UEVLD: variants seen among roughly 807,000 people sequenced by gnomAD.
The protein encoded by UEVLD is UEV and lactate/malate dehyrogenase domains, also known as ubiquitin-conjugating enzyme E2 variant 3.
In UEVLD, 47 loss-of-function variants were observed where a neutral mutation model predicts 58.6. That is an observed-to-expected ratio of 0.80 (90% CI 0.63 to 1.02). The LOEUF (loss-of-function observed/expected upper bound fraction) is 1.02, where lower values mean the gene tolerates loss of function less well. Among genes scored for constraint, UEVLD ranks in the 50% least tolerant of loss-of-function variants. The pLI is 0.00. For synonymous variants in UEVLD, 197 were observed against 195.3 expected (o/e 1.01, Z -0.07); for missense variants, 510 against 550.6 (o/e 0.93, Z 0.74).
chr11:18,539,980 C>T (rs1461570209), intron 9 of UEVLD, among the ~76,000 whole-genome samples: 1 of 152,212 alleles, frequency 6.6e-6, no homozygotes, highest in African/African-American at 2.4e-5. Flanking sequence ...TGTTGCTTTA[C>T]TTCAAAGAGT....
At chr11:18,582,240 A>G (rs773343764) in intron 1 of UEVLD, among the ~76,000 whole-genome samples, 25 of 152,298 alleles carry the variant, frequency 1.6e-4, no homozygotes, top group Non-Finnish European at 3.5e-4. Context: ...CTGCTACACA[A>G]GTTTCTCAAA....
intron 8 of UEVLD, among the ~76,000 whole-genome samples, chr11:18,546,081 A>T (rs1190697895): frequency 6.6e-6 from 1 of 152,226 alleles, no homozygotes; most frequent in Non-Finnish European, 1.5e-5. Flanking sequence ...CATTGGGAAC[A>T]TTTAAAAAAA....
At chr11:18,567,696 A>G (rs1852367232) in intron 4 of UEVLD, among the ~76,000 whole-genome samples, 1 of 152,246 alleles carries the variant, frequency 6.6e-6, no homozygotes, top group Admixed American at 6.5e-5. Flanking sequence ...TCTCAGAGAA[A>G]TTGCAAACCC....
intron 4 of UEVLD, among the ~76,000 whole-genome samples, chr11:18,567,008 T>C (rs1852332924): frequency 1.3e-5 from 2 of 152,232 alleles, no homozygotes; most frequent in African/African-American, 4.8e-5. Flanking sequence ...AATGTTAACA[T>C]TTGATCACAT....
In UEVLD at chr11:18,530,448, T is replaced by C. The variant is rs760716309; in HGVS notation, c.*1872A>G. The C allele has an allele frequency of 1.3e-5, 2 of 152,216 alleles. No homozygotes were observed. Among genetic ancestry groups the C allele is most frequent in the African/African-American group, 4.8e-5 (2 of 41,454 alleles). The allele number at this position is 152,216 out of a possible 1,614,324, so 9.4% of individuals were successfully genotyped here. ...AGTTCATCATTATAAGCATTCCTTA[T>C]TACACTAAAACAGCATTAGTTTGCC... On this transcript the variant is annotated 3_prime_UTR_variant, in exon 12 of 12. Coordinates refer to ENST00000396197, the MANE Select transcript of UEVLD (RefSeq NM_001040697.4).
chr11:18,572,889 C>T lies in UEVLD; in HGVS notation c.193+2458G>A, dbSNP rs751007960. Among the ~76,000 whole-genome samples, 5 of 151,968 alleles carry T rather than the reference C, an allele frequency of 3.3e-5. No homozygotes were observed. The South Asian group carries it at 1.0e-3, about 32-fold the overall frequency. The stretch of plus-strand genomic sequence containing the variant: ...CACACACTATATGCCAGGCACTATG[C>T]CCAGAGCTTTACTTACTGTAATTCA... On this transcript the variant is annotated intron_variant, in intron 3 of 11. Transcript: ENST00000396197.
chr11:18,585,433 C>G (rs1401791680), intron 1 of UEVLD, among the ~76,000 whole-genome samples: 2 of 152,120 alleles, frequency 1.3e-5, no homozygotes, highest in Non-Finnish European at 2.9e-5. Flanking sequence ...CTTGTCTCTC[C>G]ATTCTCCTTT....
intron 7 of UEVLD, among the ~76,000 whole-genome samples, chr11:18,556,061 G>T (rs1851744047): frequency 6.6e-6 from 1 of 152,284 alleles, no homozygotes; most frequent in South Asian, 2.1e-4. Context: ...TCCCTACTTG[G>T]TGGCAAGCAC....
chr11:18,545,062 A>ATC, intron 8 of UEVLD, among the ~76,000 whole-genome samples: 1 of 29,634 alleles, frequency 3.4e-5, no homozygotes, highest in South Asian at 1.3e-3. Flanking sequence ...CTATATCTAT[A>ATC]TCTATATCTA....
rs558777111 is a variant in UEVLD at position 18,585,223 on chromosome 11, CTTAATT to C, written c.42+3384_42+3389del. On this transcript the variant is annotated intron_variant, in intron 1 of 11. Coordinates refer to ENST00000396197, the MANE Select transcript of UEVLD (RefSeq NM_001040697.4). The stretch of plus-strand genomic sequence containing the variant: ...CACTTTCTTCATGGTGTCTTCTGTT[CTTAATT>C]TTAATACAGTTGAATTTGTCTCTTA... Among the ~76,000 whole-genome samples, 24 of 152,214 alleles carry C rather than the reference CTTAATT, an allele frequency of 1.6e-4. 1 individual carries two copies. The highest frequency in any genetic ancestry group is 2.6e-4 in the Non-Finnish European group (18 of 68,022).
At chr11:18,550,834 G>A (rs1214696120) in intron 7 of UEVLD, among the ~76,000 whole-genome samples, 1 of 152,166 alleles carries the variant, frequency 6.6e-6, no homozygotes, top group East Asian at 1.9e-4. Flanking sequence ...AGGTGCCTAA[G>A]CCTAACCTGG....
At chr11:18,533,799 C>G (rs1461459205) in intron 11 of UEVLD, among the ~76,000 whole-genome samples, 1 of 152,164 alleles carries the variant, frequency 6.6e-6, no homozygotes, top group Admixed American at 6.5e-5. Flanking sequence ...GGATTACAGA[C>G]ATACGCCACT....
intron 9 of UEVLD, among the ~76,000 whole-genome samples, chr11:18,541,423 C>T (rs1031317010): frequency 1.3e-5 from 2 of 152,194 alleles, no homozygotes; most frequent in African/African-American, 2.4e-5. Flanking sequence ...AGACTGATAA[C>T]TGTGATTGTC....
chr11:18,533,930 G>T (rs1850681071), intron 11 of UEVLD, among the ~76,000 whole-genome samples: 2 of 152,200 alleles, frequency 1.3e-5, no homozygotes, highest in Admixed American at 1.3e-4. Context: ...GGGATTACAG[G>T]CGTGAGCCAC....
intron 4 of UEVLD, among the ~76,000 whole-genome samples, chr11:18,567,011 G>T (rs1852333095): frequency 1.3e-5 from 2 of 152,132 alleles, no homozygotes. Flanking sequence ...GTTAACATTT[G>T]ATCACATTTG....
Position 18,544,672 on chromosome 11 carries a change from C to T in UEVLD, c.1011G>A (p.Gln337=), listed in dbSNP as rs1851213588. ...QYIITNVLKA[Q]TSGKEVWVIG... ...TAACCCATACTTCTTTGCCTGAAGT[C>T]TGTGCCTTCAAAACATTTGTAATAA... Residue 337 remains glutamine, a synonymous_variant, in exon 9 of 12, where the codon CAG becomes CAA. Transcript: ENST00000396197. 2 of 1,592,980 alleles carry T rather than the reference C, an allele frequency of 1.3e-6. No homozygotes were observed. Among genetic ancestry groups the T allele is most frequent in the African/African-American group, 1.4e-5 (1 of 73,344 alleles).
At chr11:18,578,846 C>A in intron 1 of UEVLD, 38 bp from the exon 2 acceptor site, 1 of 1,452,436 alleles carries the variant, frequency 6.9e-7, no homozygotes, top group Non-Finnish European at 9.4e-7. Context: ...AAGAATAAAG[C>A]TGTAAGCAAA....
chr11:18,568,895 A>G (rs1241731290), intron 4 of UEVLD, among the ~76,000 whole-genome samples: 3 of 151,896 alleles, frequency 2.0e-5, no homozygotes, highest in African/African-American at 7.3e-5. Context: ...TGGTACATAT[A>G]AACATATTTT....
chr11:18,563,915 G>C, intron 6 of UEVLD: 1 of 216,938 alleles, frequency 4.6e-6, no homozygotes, highest in Non-Finnish European at 9.7e-6. Context: ...TGAGGCAGGA[G>C]AATCGCTTGA....
Sources: allele counts gnomAD v4.1 joint callset (sites outside exome capture counted in the v4.1 genomes callset), GRCh38; gene constraint gnomAD v4.1.1; transcripts MANE v1.5; gene names NCBI Gene and HGNC (gene_info 2026-07-23, HGNC 2026-07-21).